IL1RAPL1: variants seen among roughly 807,000 people sequenced by gnomAD.
The protein encoded by IL1RAPL1 is interleukin-1 receptor accessory protein-like 1.
In IL1RAPL1, 3 loss-of-function variants were observed where a neutral mutation model predicts 48.4. The observed-to-expected ratio is 0.06, with a 90% CI of 0.03 to 0.16. The LOEUF is 0.16. Ranked by LOEUF, IL1RAPL1 falls within the 10% of genes least tolerant of loss-of-function variation. The pLI, the probability that IL1RAPL1 is intolerant of heterozygous loss-of-function variation, is 1.00. For synonymous variants in IL1RAPL1, 185 were observed against 187.7 expected (o/e 0.99, Z 0.12); for missense variants, 349 against 530.6 (o/e 0.66, Z 3.36).
chrX:28,834,317 G>C (rs1921148516), intron 2 of IL1RAPL1, among the ~76,000 whole-genome samples: 4 of 111,234 alleles, frequency 3.6e-5, no homozygotes. Context: ...CATCCCTCTT[G>C]TTAGGTATGT....
intron 5 of IL1RAPL1, among the ~76,000 whole-genome samples, chrX:29,606,858 T>C (rs1166825076): frequency 9.0e-6 from 1 of 111,345 alleles, no homozygotes; most frequent in Non-Finnish European, 1.9e-5. Flanking sequence ...ATTTTGACAT[T>C]GTATGACACC....
intron 2 of IL1RAPL1, among the ~76,000 whole-genome samples, chrX:28,884,533 A>G (rs998712642): frequency 8.9e-5 from 10 of 112,062 alleles, no homozygotes; most frequent in African/African-American, 3.2e-4. Context: ...TAGAGAAGGA[A>G]GGACATAGAC....
chrX:28,600,986 G>A (rs994905010), intron 1 of IL1RAPL1, among the ~76,000 whole-genome samples: 3 of 111,867 alleles, frequency 2.7e-5, no homozygotes, highest in African/African-American at 9.8e-5. Context: ...ATCCTATAAA[G>A]ATTTTCAATC....
At chrX:29,286,578 A>G (rs772154974) in intron 3 of IL1RAPL1, among the ~76,000 whole-genome samples, 29 of 111,206 alleles carry the variant, frequency 2.6e-4, no homozygotes, top group Non-Finnish European at 4.7e-4. Flanking sequence ...AGTCCTAGCT[A>G]CTCAGGAGGA....
At chrX:29,929,630 C>A (rs1181136256) in intron 8 of IL1RAPL1, among the ~76,000 whole-genome samples, 3 of 111,380 alleles carry the variant, frequency 2.7e-5, no homozygotes, top group Non-Finnish European at 5.7e-5. Flanking sequence ...AATTACAATT[C>A]CTTACGACAT....
chrX:29,074,294 G>A (rs1927625589), intron 2 of IL1RAPL1, among the ~76,000 whole-genome samples: 2 of 111,423 alleles, frequency 1.8e-5, no homozygotes, highest in African/African-American at 3.3e-5. Context: ...AGGTTGTGGC[G>A]ATGGATGGCC....
intron 2 of IL1RAPL1, among the ~76,000 whole-genome samples, chrX:28,822,661 G>A (rs1221359598): frequency 9.0e-6 from 1 of 111,700 alleles, no homozygotes; most frequent in Non-Finnish European, 1.9e-5. Flanking sequence ...TGTGGGAGAT[G>A]GCTGGTGGAC....
At chrX:29,193,404 C>G (rs1474818723) in intron 2 of IL1RAPL1, among the ~76,000 whole-genome samples, 1 of 110,900 alleles carries the variant, frequency 9.0e-6, no homozygotes, top group East Asian at 2.8e-4. Context: ...TTATAATATT[C>G]ATCAATAGAA....
chrX:29,647,914 T>C (rs1925386253), intron 5 of IL1RAPL1, among the ~76,000 whole-genome samples: 1 of 111,468 alleles, frequency 9.0e-6, no homozygotes, highest in African/African-American at 3.3e-5. Context: ...AAAATTCACT[T>C]TACTGGTAAG....
intron 2 of IL1RAPL1, among the ~76,000 whole-genome samples, chrX:29,074,758 G>T (rs964752625): frequency 3.6e-5 from 4 of 111,800 alleles, no homozygotes; most frequent in Middle Eastern, 4.6e-3. Context: ...AGTATTTCTG[G>T]TGTTCATCTC....
At chrX:29,171,068 C>G (rs1670228883) in intron 2 of IL1RAPL1, among the ~76,000 whole-genome samples, 1 of 111,083 alleles carries the variant, frequency 9.0e-6, no homozygotes, top group South Asian at 3.8e-4. Flanking sequence ...ACGATCTCGG[C>G]TCACTGCAAC....
At chrX:29,235,861 C>A (rs1931281731) in intron 2 of IL1RAPL1, among the ~76,000 whole-genome samples, 1 of 112,056 alleles carries the variant, frequency 8.9e-6, no homozygotes, top group African/African-American at 3.2e-5. Flanking sequence ...AACTGGTGCA[C>A]TCTTTTCTCC....
chrX:29,903,189 A>T (rs867519469), intron 6 of IL1RAPL1, among the ~76,000 whole-genome samples: 5 of 106,380 alleles, frequency 4.7e-5, no homozygotes, highest in East Asian at 2.9e-4. Context: ...TGTGTGAGAG[A>T]GAGAGAGAGA....
At chrX:29,592,740 T>C (rs1010933729) in intron 5 of IL1RAPL1, among the ~76,000 whole-genome samples, 4 of 108,232 alleles carry the variant, frequency 3.7e-5, no homozygotes, top group African/African-American at 1.4e-4. Flanking sequence ...TCACCCCAAC[T>C]GCCAGCATGA....
chrX:28,611,253 G>C (rs1370500144), intron 1 of IL1RAPL1, among the ~76,000 whole-genome samples: 1 of 111,623 alleles, frequency 9.0e-6, no homozygotes, highest in Non-Finnish European at 1.9e-5. Context: ...AGGACTTAAG[G>C]GTTCAGTGAA....
chrX:29,081,016 C>CTTTTCTTTTCTTT (rs1360869206), intron 2 of IL1RAPL1, among the ~76,000 whole-genome samples: 30 of 54,398 alleles, frequency 5.5e-4, no homozygotes, highest in East Asian at 7.4e-4. Flanking sequence ...CTCTCTCTCT[C>CTTTTCTTTTCTTT]TCTCTTTCTT....
chrX:29,386,025 A>C (rs1040620047), intron 3 of IL1RAPL1, among the ~76,000 whole-genome samples: 1 of 111,591 alleles, frequency 9.0e-6, no homozygotes. Context: ...CTTTTTAAAA[A>C]TTTTTTTTAA....
At chrX:29,782,096 G>GTCTATCTA (rs1464490641) in intron 6 of IL1RAPL1, among the ~76,000 whole-genome samples, 8,111 of 90,129 alleles carry the variant, frequency 0.09, 379 homozygotes, top group East Asian at 0.11. Flanking sequence ...CTGTCTGTCT[G>GTCTATCTA]TCTGTCTATC....
chrX:29,597,215 G>A (rs182387416), intron 5 of IL1RAPL1, among the ~76,000 whole-genome samples: 184 of 102,776 alleles, frequency 1.8e-3, no homozygotes, highest in Non-Finnish European at 2.3e-3. Flanking sequence ...GTGCAATGGC[G>A]CGATATCGGC....
Sources: allele counts gnomAD v4.1 joint callset (sites outside exome capture counted in the v4.1 genomes callset), GRCh38; gene constraint gnomAD v4.1.1; transcripts MANE v1.5; gene names NCBI Gene and HGNC (gene_info 2026-07-23, HGNC 2026-07-21).